Variants in REV3L observed in about 807,000 individuals in gnomAD.
REV3L encodes REV3 like, DNA directed polymerase zeta catalytic subunit, also known as DNA polymerase zeta catalytic subunit.
Under a neutral mutation model 299.4 loss-of-function variants are expected in REV3L, and 69 were observed. That is an observed-to-expected ratio of 0.23 (90% confidence interval 0.19 to 0.28). REV3L has a LOEUF of 0.28. Among genes scored for constraint, REV3L ranks in the 10% least tolerant of loss-of-function variants. The pLI is 1.00. For missense variants in REV3L, 3,128 were observed against 3,693.8 expected (o/e 0.85, Z 3.97); for synonymous variants, 1,238 against 1,271.4 (o/e 0.97, Z 0.56).
intron 19 of REV3L, among the ~76,000 whole-genome samples, 161 bp downstream of exon 19, chr6:111,351,509 ATTTTAT>A: frequency 6.6e-6 from 1 of 152,292 alleles, no homozygotes; most frequent in African/African-American, 2.4e-5. Flanking sequence ...AATATTTTTT[ATTTTAT>A]TTTTAATTTT....
intron 24 of REV3L, 70 bp downstream of exon 24, chr6:111,331,606 A>C: frequency 9.4e-7 from 1 of 1,063,192 alleles, no homozygotes; most frequent in Non-Finnish European, 1.4e-6. Flanking sequence ...TGCCAACAAT[A>C]TCTAAACCAT....
rs142867821 is a variant in REV3L, at chr6:111,381,440, G to A, written c.1101C>T (p.His367=). 1.2e-4 allele frequency: 190 copies of A among 1,605,216 alleles called. No homozygotes were observed. Among genetic ancestry groups the A allele is most frequent in the Non-Finnish European group, 1.5e-4 (181 of 1,177,426 alleles). The stretch of plus-strand genomic sequence containing the variant: ...GAGCTTCTTCCACTTTGTGTCTAGT[G>A]TGACCTTAATTTGACAAAGAATAAA... ...VHKDKESSKG[H]TRHKVEEALI... Residue 367 remains histidine, a synonymous_variant, in exon 10 of 32, where the codon CAC becomes CAT. Coordinates refer to ENST00000368802, the MANE Select transcript of REV3L (RefSeq NM_001372078.1).
At chr6:111,346,729 T>C (rs547661904) in intron 20 of REV3L, among the ~76,000 whole-genome samples, 2 of 152,334 alleles carry the variant, frequency 1.3e-5, no homozygotes, top group African/African-American at 4.8e-5. Context: ...TCAGAGATAC[T>C]ATATATTCAT....
intron 1 of REV3L, among the ~76,000 whole-genome samples, chr6:111,423,562 CTG>C (rs1369612695): frequency 6.6e-6 from 1 of 151,982 alleles, no homozygotes; most frequent in South Asian, 2.1e-4. Flanking sequence ...GAGAGAAAGT[CTG>C]TGTTTTTGTG....
At chr6:111,393,629 A>C (rs1412073550) in intron 4 of REV3L, among the ~76,000 whole-genome samples, 2 of 152,174 alleles carry the variant, frequency 1.3e-5, no homozygotes, top group East Asian at 3.8e-4. Flanking sequence ...TCCATTAACC[A>C]GCCTGTCTTC....
intron 9 of REV3L, among the ~76,000 whole-genome samples, chr6:111,381,736 A>G (rs1562226448): frequency 6.6e-6 from 1 of 152,186 alleles, no homozygotes; most frequent in African/African-American, 2.4e-5. Context: ...TGCATATTCA[A>G]ATATATAAAG....
rs573460358 is a variant in REV3L at position 111,398,762 on chromosome 6, T to A, written c.566-5790A>T. 4.6e-5 allele frequency among the ~76,000 whole-genome samples: 7 copies of A among 152,144 alleles called. No homozygotes were observed. The South Asian group carries it at 1.0e-3, about 23-fold the overall frequency. ...ACATGATAAAATAAAATAAAAAAAATTATTCACTGATTTTGTACATGATTT... is the reference window on the plus strand; with the variant it reads ...ACATGATAAAATAAAATAAAAAAAAATATTCACTGATTTTGTACATGATTT... On this transcript the variant is annotated intron_variant, in intron 4 of 31. Transcript: ENST00000368802.
intron 1 of REV3L, among the ~76,000 whole-genome samples, chr6:111,461,319 G>T (rs1327201220): frequency 6.6e-6 from 1 of 151,948 alleles, no homozygotes; most frequent in Non-Finnish European, 1.5e-5. Context: ...AGTTTTAAAA[G>T]TAAAAATTAA....
chr6:111,375,556 C>T lies in REV3L; in HGVS notation c.2799G>A (p.Glu933=). ...RKVNYETEDS[E]SSFVTHNSKI... is the part of the protein sequence containing the mutation. ...TTGAGTTGTGAGTTACAAAACTTGA[C>T]TCACTGTCTTCAGTCTCATAATTTA... The change falls in exon 13 of 32, where the codon GAG becomes GAA. Residue 933 remains glutamate (E), a synonymous_variant. Transcript: ENST00000368802. The T allele has an allele frequency of 1.2e-6, 2 of 1,613,712 alleles. No individual in the cohort carries two copies. Among genetic ancestry groups the T allele is most frequent in the Non-Finnish European group, 1.7e-6 (2 of 1,179,858 alleles).
In REV3L at chr6:111,307,382, A is replaced by T. The variant is rs1360862744; in HGVS notation, c.9231T>A (p.Arg3077=). 6.2e-7 allele frequency: 1 copy of T among 1,613,956 alleles called. No homozygotes were observed. Among genetic ancestry groups the T allele is most frequent in the African/African-American group, 1.3e-5 (1 of 74,900 alleles). ...ILNQEIRELE[R]QQEQLVKICK... is the part of the protein sequence containing the mutation. ...GTACCTTTACAAGTTGCTCCTGTTG[A>T]CGTTCCAACTCCCGGATTTCTTGGT... Residue 3077 remains arginine (R), a synonymous_variant, in exon 31 of 32, where the codon CGT becomes CGA. Transcript: ENST00000368802.
At chr6:111,442,010 G>T (rs911328931) in intron 1 of REV3L, among the ~76,000 whole-genome samples, 4 of 152,246 alleles carry the variant, frequency 2.6e-5, no homozygotes, top group Non-Finnish European at 4.4e-5. Context: ...AGGTGAAACA[G>T]GAAGAATAAA....
At chr6:111,461,162 C>T (rs1417175970) in intron 1 of REV3L, among the ~76,000 whole-genome samples, 10 of 151,978 alleles carry the variant, frequency 6.6e-5, no homozygotes, top group Non-Finnish European at 1.5e-5. Context: ...GAAGAAGGAA[C>T]TGTTATCATA....
At chr6:111,461,803 G>A (rs528998355) in intron 1 of REV3L, among the ~76,000 whole-genome samples, 18 of 151,898 alleles carry the variant, frequency 1.2e-4, no homozygotes, top group South Asian at 8.3e-4. Flanking sequence ...AGCAAACCGC[G>A]GAGAGAAATG....
intron 1 of REV3L, chr6:111,430,708 A>C: frequency 1.3e-6 from 2 of 1,543,022 alleles, no homozygotes; most frequent in Non-Finnish European, 1.8e-6. Context: ...AAGAAAATAA[A>C]AAGAAAGACA....
chr6:111,451,840 C>T (rs1424829942), intron 1 of REV3L, among the ~76,000 whole-genome samples: 1 of 118,108 alleles, frequency 8.5e-6, no homozygotes, highest in East Asian at 2.3e-4. Context: ...GTATGAATCA[C>T]GAAAGGAAAA....
At chr6:111,393,175 AG>A (rs1054881446) in intron 4 of REV3L, among the ~76,000 whole-genome samples, 3 of 151,900 alleles carry the variant, frequency 2.0e-5, no homozygotes, top group African/African-American at 7.3e-5. Flanking sequence ...GTAGCCTCCA[AG>A]CGCAGCAAAT....
chr6:111,451,544 A>C (rs1265164450), intron 1 of REV3L, among the ~76,000 whole-genome samples: 1 of 152,178 alleles, frequency 6.6e-6, no homozygotes, highest in Non-Finnish European at 1.5e-5. Context: ...AGGAGGTCAG[A>C]AATTAAAATC....
intron 23 of REV3L, 28 bp from the exon 24 acceptor site, chr6:111,331,812 T>C (rs751291672): frequency 7.4e-7 from 1 of 1,357,574 alleles, no homozygotes. Context: ...ATTAAGCAAA[T>C]ACTTCCTCAA....
Position 111,372,786 on chromosome 6 carries a change from TTGG to T in REV3L, c.5566_5568del (p.Pro1856del), listed in dbSNP as rs767514695. On this transcript the variant is annotated inframe_deletion, in exon 13 of 32. Coordinates refer to ENST00000368802, the MANE Select transcript of REV3L (RefSeq NM_001372078.1). Reference sequence around the variant, plus strand: ...GATTGTGAAGGAGAGCTAGTAGATCTTGGTGAACTATCAGGAGTTGGTGTCAAC... The same window carrying T: ...GATTGTGAAGGAGAGCTAGTAGATCTTGAACTATCAGGAGTTGGTGTCAAC... 1 of 1,613,042 alleles carries T rather than the reference TTGG, an allele frequency of 6.2e-7. No homozygotes were observed. Among genetic ancestry groups the T allele is most frequent in the Non-Finnish European group, 8.5e-7 (1 of 1,179,484 alleles).
Sources: gnomAD v4.1 joint callset for allele counts (sites outside exome capture counted in the v4.1 genomes callset) on GRCh38, gnomAD v4.1.1 for gene constraint, MANE v1.5 for transcripts, NCBI Gene and HGNC (gene_info 2026-07-23, HGNC 2026-07-21) for gene names.